The following FHOD3 variants were observed in gnomAD, a reference collection of about 807,000 sequenced individuals.
The protein encoded by FHOD3 is FH1/FH2 domain-containing protein 3.
FHOD3 carries 90 observed loss-of-function variants against 173.0 expected under a neutral mutation model. That is an observed-to-expected ratio of 0.52 (90% CI 0.44 to 0.62). FHOD3 has a LOEUF of 0.62. Ranked by LOEUF, FHOD3 falls within the 20% of genes least tolerant of loss-of-function variation. The pLI, the probability that FHOD3 is intolerant of heterozygous loss-of-function variation, is 0.00. For synonymous variants in FHOD3, 828 were observed against 823.0 expected, an observed-to-expected ratio of 1.01 and a Z score of -0.10; for missense variants, 1,945 against 2,034.7, an observed-to-expected ratio of 0.96 and a Z score of 0.85.
intron 11 of FHOD3, among the ~76,000 whole-genome samples, chr18:36,651,835 G>A (rs959720216): frequency 1.3e-5 from 2 of 152,134 alleles, no homozygotes; most frequent in African/African-American, 4.8e-5. Context: ...CACAATCAAT[G>A]AACATGTCTA....
intron 3 of FHOD3, among the ~76,000 whole-genome samples, chr18:36,375,071 T>A (rs2047372854): frequency 6.6e-6 from 1 of 152,332 alleles, no homozygotes; most frequent in African/African-American, 2.4e-5. Context: ...TATTATACTT[T>A]GGTTATGTAT....
intron 3 of FHOD3, among the ~76,000 whole-genome samples, chr18:36,478,102 T>A (rs770971966): frequency 6.6e-6 from 1 of 151,966 alleles, no homozygotes; most frequent in African/African-American, 2.4e-5. Flanking sequence ...GTAGTGGGGG[T>A]GTCATTTGAG....
At chr18:36,533,299 C>T (rs140953986) in intron 5 of FHOD3, among the ~76,000 whole-genome samples, 28 of 152,306 alleles carry the variant, frequency 1.8e-4, no homozygotes, top group South Asian at 1.2e-3. Flanking sequence ...GGATGCATCG[C>T]GGCTTGTAGT....
chr18:36,420,416 G>A (rs1340662883), intron 3 of FHOD3, among the ~76,000 whole-genome samples: 2 of 152,214 alleles, frequency 1.3e-5, no homozygotes, highest in Admixed American at 1.3e-4. Context: ...TGACACTGTA[G>A]CACCCCTTCT....
chr18:36,504,069 C>T (rs960165237), intron 4 of FHOD3, among the ~76,000 whole-genome samples: 2 of 152,160 alleles, frequency 1.3e-5, no homozygotes, highest in Non-Finnish European at 2.9e-5. Flanking sequence ...TACAGGCATC[C>T]ACCACCACGC....
At chr18:36,519,584 A>T (rs1184046755) in intron 5 of FHOD3, among the ~76,000 whole-genome samples, 1 of 152,216 alleles carries the variant, frequency 6.6e-6, no homozygotes, top group Non-Finnish European at 1.5e-5. Flanking sequence ...GTCAGCCCCC[A>T]GCACTGTGTG....
At chr18:36,339,873 AT>A (rs1184811912) in intron 1 of FHOD3, among the ~76,000 whole-genome samples, 12 of 152,212 alleles carry the variant, frequency 7.9e-5, no homozygotes, top group African/African-American at 2.9e-4. Flanking sequence ...CTTTTTGAAC[AT>A]TAGGCCCCAC....
At chr18:36,742,454 C>T (rs1356036727) in intron 21 of FHOD3, among the ~76,000 whole-genome samples, 1 of 152,096 alleles carries the variant, frequency 6.6e-6, no homozygotes, top group Non-Finnish European at 1.5e-5. Context: ...GAGTCAGCCA[C>T]AGCCAGAAAG....
chr18:36,335,741 C>CT (rs2045275234), intron 1 of FHOD3, among the ~76,000 whole-genome samples: 1 of 152,136 alleles, frequency 6.6e-6, no homozygotes, highest in Non-Finnish European at 1.5e-5. Context: ...ATGCTGCTGC[C>CT]ACATCTCTGT....
intron 14 of FHOD3, among the ~76,000 whole-genome samples, chr18:36,676,006 TTTTA>T (rs2037833813): frequency 6.6e-6 from 1 of 152,216 alleles, no homozygotes; most frequent in South Asian, 2.1e-4. Flanking sequence ...TAAGAAGGAC[TTTTA>T]TTTATTTAAG....
chr18:36,399,348 G>A (rs577886508), intron 3 of FHOD3, among the ~76,000 whole-genome samples: 3 of 152,332 alleles, frequency 2.0e-5, no homozygotes, highest in Non-Finnish European at 1.5e-5. Flanking sequence ...TTCCCAGCTT[G>A]CACCTATGGG....
intron 5 of FHOD3, chr18:36,544,696 G>A (rs1307152394): frequency 6.6e-6 from 1 of 152,456 alleles, no homozygotes; most frequent in Non-Finnish European, 1.5e-5. Flanking sequence ...AGGTGAGTGT[G>A]TGTGGACAAG....
intron 8 of FHOD3, among the ~76,000 whole-genome samples, chr18:36,605,294 A>G (rs902612362): frequency 6.6e-6 from 1 of 152,148 alleles, no homozygotes; most frequent in African/African-American, 2.4e-5. Context: ...TATTTTATTG[A>G]TAAGGCCATT....
chr18:36,444,220 A>G (rs1337282846), intron 3 of FHOD3, among the ~76,000 whole-genome samples: 3 of 149,104 alleles, frequency 2.0e-5, no homozygotes, highest in African/African-American at 7.4e-5. Flanking sequence ...AAAGAATTGT[A>G]AATTTTTTTC....
At chr18:36,757,814 T>C (rs1302119999) in intron 25 of FHOD3, among the ~76,000 whole-genome samples, 1 of 152,144 alleles carries the variant, frequency 6.6e-6, no homozygotes, top group Admixed American at 6.5e-5. Context: ...GTGTACAAAG[T>C]TGGTCCTAGA....
Position 36,300,633 on chromosome 18 carries a change from C to T in FHOD3, c.165+2633C>T, listed in dbSNP as rs535468506. On this transcript the variant is annotated intron_variant, in intron 1 of 28. Transcript: ENST00000590592. ...TGGAGTTCTGTGCAGCGAGCGCATT[C>T]TCAGTGGTACAAAGAGGGGAGAAGC... 5.9e-5 allele frequency among the ~76,000 whole-genome samples: 9 copies of T among 152,284 alleles called. No individual in the cohort carries two copies. In the South Asian group the frequency reaches 1.2e-3, roughly 21 times the overall value.
intron 6 of FHOD3, among the ~76,000 whole-genome samples, chr18:36,590,018 A>G (rs2059160094): frequency 6.6e-6 from 1 of 152,036 alleles, no homozygotes; most frequent in Non-Finnish European, 1.5e-5. Flanking sequence ...TCTGGGCCAC[A>G]CTGTGGTGTG....
chr18:36,524,214 G>A (rs1024755618), intron 5 of FHOD3, among the ~76,000 whole-genome samples: 8 of 151,606 alleles, frequency 5.3e-5, no homozygotes, highest in Non-Finnish European at 8.8e-5. Context: ...TTCAGGAAGC[G>A]GAGGTTGCAG....
chr18:36,488,974 G>A (rs1170246390), intron 3 of FHOD3, among the ~76,000 whole-genome samples: 2 of 152,204 alleles, frequency 1.3e-5, no homozygotes, highest in Non-Finnish European at 2.9e-5. Context: ...TTTGAGCTGA[G>A]ACTGGAGAAT....
Sources: allele counts gnomAD v4.1 joint callset (sites outside exome capture counted in the v4.1 genomes callset), GRCh38; gene constraint gnomAD v4.1.1; transcripts MANE v1.5; gene names NCBI Gene and HGNC (gene_info 2026-07-23, HGNC 2026-07-21).